MIGA1: variants seen among roughly 807,000 people sequenced by gnomAD.
The protein encoded by MIGA1 is mitoguardin 1.
MIGA1 carries 58 observed loss-of-function variants against 82.0 expected under a neutral mutation model. The ratio of observed to expected loss-of-function variants is 0.71; its 90% CI spans 0.57 to 0.88. The LOEUF (loss-of-function observed/expected upper bound fraction) is 0.88, where lower values mean the gene tolerates loss of function less well. MIGA1 is among the 40% of genes least tolerant of loss of function. The pLI, the probability that MIGA1 is intolerant of heterozygous loss-of-function variation, is 0.00. For synonymous variants in MIGA1, 249 were observed against 253.6 expected, an observed-to-expected ratio of 0.98 and a Z score of 0.17; for missense variants, 751 against 749.1, an observed-to-expected ratio of 1.00 and a Z score of -0.03.
chr1:77,854,072 A>G (rs890893793), intron 8 of MIGA1, among the ~76,000 whole-genome samples: 2 of 151,798 alleles, frequency 1.3e-5, no homozygotes, highest in African/African-American at 4.8e-5. Context: ...CCCAAAGTCC[A>G]TTGTATCATT....
At chr1:77,809,853 G>A (rs962571617) in intron 5 of MIGA1, among the ~76,000 whole-genome samples, 1 of 146,374 alleles carries the variant, frequency 6.8e-6, no homozygotes, top group African/African-American at 2.5e-5. Context: ...TCATATGGAT[G>A]AATGTCAGTA....
At chr1:77,823,068 C>G (rs1391508602) in intron 7 of MIGA1, among the ~76,000 whole-genome samples, 1 of 151,700 alleles carries the variant, frequency 6.6e-6, no homozygotes, top group African/African-American at 2.4e-5. Flanking sequence ...GTCTCGAACT[C>G]CTGACCTCGT....
intron 7 of MIGA1, among the ~76,000 whole-genome samples, chr1:77,839,176 A>T (rs764507673): frequency 1.2e-4 from 19 of 152,302 alleles, no homozygotes; most frequent in South Asian, 1.2e-3. Flanking sequence ...TGTTTCCACC[A>T]GTGGTGTGTG....
At chr1:77,854,757 T>C (rs180809943) in intron 8 of MIGA1, among the ~76,000 whole-genome samples, 1 of 152,180 alleles carries the variant, frequency 6.6e-6, no homozygotes, top group African/African-American at 2.4e-5. Flanking sequence ...ACTTTTTTTT[T>C]CTGATTTGTT....
chr1:77,801,299 A>AT (rs766068425), intron 2 of MIGA1, 32 bp from the exon 3 acceptor site: 9 of 1,501,368 alleles, frequency 6.0e-6, no homozygotes, highest in East Asian at 4.9e-5. Context: ...AATTAAAGAG[A>AT]TTTTTTTCAA....
intron 8 of MIGA1, among the ~76,000 whole-genome samples, chr1:77,849,493 A>G (rs944201943): frequency 2.6e-5 from 4 of 152,230 alleles, no homozygotes; most frequent in African/African-American, 9.7e-5. Context: ...TTTCAGATAA[A>G]ATATGGATTT....
chr1:77,796,214 G>A (rs746155205), intron 2 of MIGA1, among the ~76,000 whole-genome samples: 4 of 151,198 alleles, frequency 2.6e-5, no homozygotes, highest in Non-Finnish European at 5.9e-5. Context: ...TGCCTCCTGG[G>A]TTCACGCCAT....
chr1:77,834,177 T>C (rs1281834108), intron 7 of MIGA1, among the ~76,000 whole-genome samples: 3 of 152,148 alleles, frequency 2.0e-5, no homozygotes, highest in Non-Finnish European at 4.4e-5. Context: ...TATATAACTT[T>C]TTTTTTCTTT....
rs929863176 is a variant in MIGA1, at chr1:77,878,600, T to G, written c.*3536T>G. On this transcript the variant is annotated 3_prime_UTR_variant, in exon 16 of 16. Coordinates refer to ENST00000370791, the MANE Select transcript of MIGA1 (RefSeq NM_198549.4). ...TCCATATGTAAATTATAAGAGGGACTTCAATTAAGTCACTCCTGAGAAAAT... is the reference window on the plus strand; with the variant it reads ...TCCATATGTAAATTATAAGAGGGACGTCAATTAAGTCACTCCTGAGAAAAT... The G allele has an allele frequency of 3.5e-6, 1 of 288,516 alleles. No individual in the cohort carries two copies. The highest frequency in any genetic ancestry group is 6.4e-6 in the Non-Finnish European group (1 of 156,636). 17.9% of individuals were successfully genotyped at this position (288,516 alleles called of 1,614,324 possible).
At chr1:77,813,912 C>G (rs916520156) in intron 6 of MIGA1, 45 bp downstream of exon 6, 5 of 1,599,238 alleles carry the variant, frequency 3.1e-6, no homozygotes, top group Non-Finnish European at 4.3e-6. Flanking sequence ...TTAGAAGAAT[C>G]AAACTTTTTT....
intron 7 of MIGA1, among the ~76,000 whole-genome samples, chr1:77,820,237 G>A (rs1683750177): frequency 6.6e-6 from 1 of 151,830 alleles, no homozygotes; most frequent in Non-Finnish European, 1.5e-5. Flanking sequence ...AAATTGTCAA[G>A]GTTTAATCCA....
intron 1 of MIGA1, among the ~76,000 whole-genome samples, chr1:77,782,189 A>C (rs1344970925): frequency 6.6e-6 from 1 of 152,198 alleles, no homozygotes; most frequent in Non-Finnish European, 1.5e-5. Context: ...ATATTCTGTT[A>C]TGTAATATAC....
intron 7 of MIGA1, among the ~76,000 whole-genome samples, chr1:77,828,611 T>C (rs998286813): frequency 2.0e-5 from 3 of 152,360 alleles, no homozygotes; most frequent in Admixed American, 6.5e-5. Flanking sequence ...TTCATGTGTA[T>C]TTTATTTTAA....
At chr1:77,874,748 C>T in intron 15 of MIGA1, 98 bp from the exon 16 acceptor site, 1 of 798,922 alleles carries the variant, frequency 1.3e-6, no homozygotes, top group Non-Finnish European at 2.0e-6. Flanking sequence ...GAAGTCAGGT[C>T]TTCTGAGTCC....
intron 14 of MIGA1, 145 bp downstream of exon 14, chr1:77,866,536 G>C: frequency 1.4e-6 from 1 of 710,164 alleles, no homozygotes; most frequent in Non-Finnish European, 2.5e-6. Context: ...GTGACTTACT[G>C]GTAGTGGGTT....
Position 77,803,335 on chromosome 1 carries a change from T to C in MIGA1, c.439T>C (p.Ser147Pro), listed in dbSNP as rs774038713. Residue 147 changes from serine (S) to proline (P), a missense_variant, in exon 4 of 16, where the codon TCT becomes CCT. This residue lies in a region of MIGA1 where 482 missense variants were observed against 439.4 expected (regional missense o/e 1.10). Coordinates refer to ENST00000370791, the MANE Select transcript of MIGA1 (RefSeq NM_198549.4). ...TTTAAGTTCTACCAAAGACAAAGGA[T>C]CTCAAGTTTGTAACTATGCTAATGG... The C allele has an allele frequency of 5.7e-6, 9 of 1,569,842 alleles. No homozygotes were observed. The highest frequency in any genetic ancestry group is 6.9e-6 in the Non-Finnish European group (8 of 1,155,066).
At chr1:77,811,359 T>C in intron 5 of MIGA1, 2 of 1,607,242 alleles carry the variant, frequency 1.2e-6, no homozygotes, top group South Asian at 1.1e-5. Context: ...GAGACCCTGC[T>C]CCAGCACCAC....
chr1:77,856,334 G>T (rs527602494), intron 8 of MIGA1, among the ~76,000 whole-genome samples: 8 of 152,132 alleles, frequency 5.3e-5, no homozygotes, highest in Admixed American at 1.3e-4. Flanking sequence ...TGTTCATCAA[G>T]GATATCGGTC....
In MIGA1 at chr1:77,860,201, A is replaced by T. The variant is rs1685412589; in HGVS notation, c.1275+75A>T. The stretch of plus-strand genomic sequence containing the variant: ...TACCCTTTGAACTGAAGATTAAGAC[A>T]TTAAATTTTTGATAGAAGAAAAATT... On this transcript the variant is annotated intron_variant, in intron 11 of 15. Transcript: ENST00000370791. 4 of 1,082,926 alleles carry T rather than the reference A, an allele frequency of 3.7e-6. No homozygotes were observed. In the East Asian group the frequency reaches 9.9e-5, roughly 27 times the overall value. 67.1% of individuals were successfully genotyped at this position (1,082,926 alleles called of 1,614,324 possible).
Sources: gnomAD v4.1 joint callset for allele counts (sites outside exome capture counted in the v4.1 genomes callset) on GRCh38, gnomAD v4.1.1 for gene constraint, gnomAD v4.1.1 regional missense constraint, MANE v1.5 for transcripts, NCBI Gene and HGNC (gene_info 2026-07-23, HGNC 2026-07-21) for gene names.